NOL4L: variants seen among roughly 807,000 people sequenced by gnomAD.
NOL4L encodes nucleolar protein 4 like.
NOL4L carries 7 observed loss-of-function variants against 64.5 expected under a neutral mutation model. That is an observed-to-expected ratio of 0.11 (90% CI 0.06 to 0.20). The LOEUF is 0.20. Ranked by LOEUF, NOL4L falls within the 10% of genes least tolerant of loss-of-function variation. NOL4L has a pLI of 1.00. For synonymous variants in NOL4L, 413 were observed against 401.0 expected, an observed-to-expected ratio of 1.03 and a Z score of -0.36; for missense variants, 680 against 967.1, an observed-to-expected ratio of 0.70 and a Z score of 3.94.
At chr20:32,468,152 T>C (rs1021307773) in intron 5 of NOL4L, among the ~76,000 whole-genome samples, 8 of 151,906 alleles carry the variant, frequency 5.3e-5, no homozygotes, top group African/African-American at 1.9e-4. Flanking sequence ...CTCAAGACCA[T>C]ACTTCGGGGA....
At chr20:32,500,448 G>T (rs1170855234) in intron 4 of NOL4L, among the ~76,000 whole-genome samples, 1 of 151,266 alleles carries the variant, frequency 6.6e-6, no homozygotes, top group Non-Finnish European at 1.5e-5. Flanking sequence ...CCGCCTCCCG[G>T]GTTCATGCCA....
At chr20:32,548,814 C>T (rs1459552154) in intron 1 of NOL4L, 1 of 451,824 alleles carries the variant, frequency 2.2e-6, no homozygotes, top group African/African-American at 2.0e-5. Flanking sequence ...ATATCATAAA[C>T]AATCCAAATG....
At chr20:32,472,223 G>A (rs1039573906) in intron 5 of NOL4L, among the ~76,000 whole-genome samples, 4 of 152,216 alleles carry the variant, frequency 2.6e-5, no homozygotes, top group African/African-American at 9.6e-5. Flanking sequence ...TTCATTCGGG[G>A]ATAACAGACA....
intron 1 of NOL4L, among the ~76,000 whole-genome samples, chr20:32,528,735 G>C (rs2018236093): frequency 1.3e-5 from 2 of 152,358 alleles, no homozygotes; most frequent in East Asian, 3.9e-4. Flanking sequence ...GCCCGGAAGG[G>C]AACGGACTGC....
Position 32,453,240 on chromosome 20 carries a change from G to A in NOL4L, c.1497+64C>T. ...TGGGTGAAGGGGCCCGGGCATCCTG[G>A]GAGTGTGGCAGGAGGTCAGTAGTGG... is the stretch of plus-strand genomic sequence containing the variant. On this transcript the variant is annotated intron_variant, in intron 8 of 10. Transcript: ENST00000621426. The surrounding 1 kb of genome is among the most constrained non-coding windows in gnomAD (Gnocchi z 5.6). 11 of 1,564,700 alleles carry A rather than the reference G, an allele frequency of 7.0e-6. No individual in the cohort carries two copies. Among genetic ancestry groups the A allele is most frequent in the Non-Finnish European group, 9.6e-6 (11 of 1,147,724 alleles).
chr20:32,584,507 C>T, intron 1 of NOL4L, 63 bp downstream of exon 1: 2 of 992,756 alleles, frequency 2.0e-6, no homozygotes, highest in Admixed American at 4.5e-5. Flanking sequence ...CCCACCCCGC[C>T]CCCGCCCGCC....
intron 4 of NOL4L, among the ~76,000 whole-genome samples, chr20:32,484,550 T>G (rs1217920188): frequency 6.6e-6 from 1 of 150,734 alleles, no homozygotes; most frequent in African/African-American, 2.4e-5. Flanking sequence ...GACCCAAACA[T>G]CTACGCGACC....
chr20:32,483,565 G>T (rs1166503669), intron 4 of NOL4L: 15 of 972,498 alleles, frequency 1.5e-5, no homozygotes, highest in South Asian at 4.7e-5. Context: ...GAGCAGCGGC[G>T]GCAGCGGCGG....
At chr20:32,472,229 A>C (rs2015074535) in intron 5 of NOL4L, among the ~76,000 whole-genome samples, 1 of 152,232 alleles carries the variant, frequency 6.6e-6, no homozygotes, top group Non-Finnish European at 1.5e-5. Flanking sequence ...CGGGGATAAC[A>C]GACATTCAGC....
chr20:32,513,272 T>C (rs1320947354), intron 3 of NOL4L, among the ~76,000 whole-genome samples: 1 of 152,120 alleles, frequency 6.6e-6, no homozygotes, highest in Non-Finnish European at 1.5e-5. Flanking sequence ...TGACTTATAA[T>C]ACCTGCCCCT....
At chr20:32,525,256 G>A (rs6119882) in intron 2 of NOL4L, among the ~76,000 whole-genome samples, 12,323 of 152,244 alleles carry the variant, frequency 0.081, 1,318 homozygotes, top group African/African-American at 0.25. Flanking sequence ...TGTGGACGAG[G>A]CTTGATGCTG....
At chr20:32,465,751 G>A (rs538558953) in intron 5 of NOL4L, among the ~76,000 whole-genome samples, 2 of 152,372 alleles carry the variant, frequency 1.3e-5, no homozygotes, top group South Asian at 2.1e-4. Flanking sequence ...GTGCATTGCA[G>A]TCCTTAGGTC....
At position 32,447,463 on chromosome 20, in the gene NOL4L, G is replaced by T; in HGVS notation, c.*133C>A. On this transcript the variant is annotated 3_prime_UTR_variant, in exon 11 of 11. Coordinates refer to ENST00000621426, the MANE Select transcript of NOL4L (RefSeq NM_001256798.2). The stretch of plus-strand genomic sequence containing the variant: ...GTGCCCAAAGTCTCAGGTGCTTGGA[G>T]TGTGGCTAGAAACAGCTCTTTTGGA... The T allele has an allele frequency of 9.6e-7, 1 of 1,046,770 alleles. No individual in the cohort carries two copies. The highest frequency in any genetic ancestry group is 1.4e-6 in the Non-Finnish European group (1 of 739,134). The allele number at this position is 1,046,770 out of a possible 1,614,324, so 64.8% of individuals were successfully genotyped here. A position where few individuals can be genotyped will look rare whatever the true frequency, so the allele number is the denominator to read the frequency against.
At chr20:32,584,133 G>GCGCACACACACACACACACACA (rs1555811186) in intron 1 of NOL4L, among the ~76,000 whole-genome samples, 1 of 88,800 alleles carries the variant, frequency 1.1e-5, no homozygotes, top group African/African-American at 5.2e-5. Context: ...CTCCGCGCGC[G>GCGCACACACACACACACACACA]CACACACACA....
intron 1 of NOL4L, among the ~76,000 whole-genome samples, chr20:32,540,968 G>A (rs537750503): frequency 3.4e-4 from 50 of 147,886 alleles, no homozygotes; most frequent in African/African-American, 1.1e-3. Context: ...CCGATCTCAT[G>A]TCATGCCACA....
Position 32,453,235 on chromosome 20 carries a change from T to C in NOL4L, c.1497+69A>G. 6.4e-7 allele frequency: 1 copy of C among 1,558,204 alleles called. No individual in the cohort carries two copies. Among genetic ancestry groups the C allele is most frequent in the Non-Finnish European group, 8.7e-7 (1 of 1,143,890 alleles). On this transcript the variant is annotated intron_variant, in intron 8 of 10. Transcript: ENST00000621426. This position sits in a 1 kb window ranked among gnomAD's most constrained non-coding sequence, Gnocchi z 5.6. ...GACCCTGGGTGAAGGGGCCCGGGCA[T>C]CCTGGGAGTGTGGCAGGAGGTCAGT...
intron 3 of NOL4L, among the ~76,000 whole-genome samples, chr20:32,517,171 A>T (rs1348902234): frequency 1.3e-5 from 2 of 152,070 alleles, no homozygotes; most frequent in African/African-American, 4.8e-5. Context: ...CTGGGGAGAG[A>T]CCGCTGAGCA....
At position 32,446,822 on chromosome 20, in the gene NOL4L, A is replaced by AT; in HGVS notation, c.*773_*774insA. On this transcript the variant is annotated 3_prime_UTR_variant, in exon 11 of 11. Transcript: ENST00000621426. ...TGAGGTAGAATACAGGTGACCATGG[A>AT]CTGGGGCTTCTGTAGAATGGGGTCG... 4.8e-6 allele frequency: 1 copy of AT among 208,924 alleles called. No homozygotes were observed. The highest frequency in any genetic ancestry group is 9.7e-6 in the Non-Finnish European group (1 of 102,726). 12.9% of individuals were successfully genotyped at this position (208,924 alleles called of 1,614,324 possible).
intron 5 of NOL4L, chr20:32,465,078 A>G: frequency 1.7e-6 from 1 of 596,292 alleles, no homozygotes; most frequent in Non-Finnish European, 3.0e-6. Flanking sequence ...GCTGCAGATG[A>G]TGTTCAGGCC....
Sources: allele counts gnomAD v4.1 joint callset (sites outside exome capture counted in the v4.1 genomes callset), GRCh38; gene constraint gnomAD v4.1.1; non-coding constraint Gnocchi (gnomAD v3.1); transcripts MANE v1.5; gene names NCBI Gene and HGNC (gene_info 2026-07-23, HGNC 2026-07-21).